C1orf167: variants seen among roughly 807,000 people sequenced by gnomAD.
C1orf167 encodes uncharacterized protein C1orf167.
In C1orf167, 153 loss-of-function variants were observed where a neutral mutation model predicts 176.5. The ratio of observed to expected loss-of-function variants is 0.87; its 90% CI spans 0.76 to 0.99. The LOEUF (loss-of-function observed/expected upper bound fraction) is 0.99, where lower values mean the gene tolerates loss of function less well. C1orf167 is among the 50% of genes least tolerant of loss of function. The pLI is 0.00. For synonymous variants in C1orf167, 594 were observed against 752.7 expected, an observed-to-expected ratio of 0.79 and a Z score of 3.45; for missense variants, 1,490 against 1,817.7, an observed-to-expected ratio of 0.82 and a Z score of 3.28.
Position 11,766,619 on chromosome 1 carries a change from TCTC to T in C1orf167, c.835_837del (p.Ser279del). The T allele has an allele frequency of 7.8e-7, 1 of 1,284,064 alleles. No homozygotes were observed. Among genetic ancestry groups the T allele is most frequent in the Non-Finnish European group, 1.0e-6 (1 of 985,688 alleles). The allele number at this position is 1,284,064 out of a possible 1,614,324, so 79.5% of individuals were successfully genotyped here. On this transcript the variant is annotated inframe_deletion, in exon 3 of 21. Transcript: ENST00000688073. The surrounding 1 kb of genome is among the most constrained non-coding windows in gnomAD (Gnocchi z 4.5). ...CTCTGGACCGGCGGCGGCCAGCCAT[TCTC>T]CGCCCACCCCCAGCCCAGCCAGCCT...
chr1:11,775,775 C>T (rs962831361), intron 9 of C1orf167, among the ~76,000 whole-genome samples, 165 bp downstream of exon 9: 23 of 152,290 alleles, frequency 1.5e-4, no homozygotes, highest in Middle Eastern at 3.4e-3. Flanking sequence ...CCAGAGTGGG[C>T]AGGCCCCAGC....
chr1:11,785,036 C>T, intron 15 of C1orf167, 112 bp from the exon 16 acceptor site: 1 of 1,011,414 alleles, frequency 9.9e-7, no homozygotes, highest in South Asian at 1.8e-5. Context: ...GTGGGTGGGC[C>T]CCAGCCTGGG....
chr1:11,783,640 G>A (rs1433627063), intron 14 of C1orf167, among the ~76,000 whole-genome samples: 1 of 152,164 alleles, frequency 6.6e-6, no homozygotes, highest in East Asian at 1.9e-4. Flanking sequence ...GGCAGGGCAT[G>A]GCTGATGTGG....
At position 11,788,053 on chromosome 1, in the gene C1orf167, A is replaced by G. The variant is rs1029148830; in HGVS notation, c.3848+6A>G. 1.5e-6 allele frequency: 2 copies of G among 1,291,952 alleles called. No individual in the cohort carries two copies. The highest frequency in any genetic ancestry group is 2.0e-6 in the Non-Finnish European group (2 of 981,280). The allele number at this position is 1,291,952 out of a possible 1,614,324, so 80.0% of individuals were successfully genotyped here. ...GCCCATAAACGGAGGCTACGGTAAG[A>G]GGAGCTGTGTGTGCAGTTTGGTGGG... On this transcript the variant is annotated splice_donor_region_variant and intron_variant, in intron 18 of 20. Transcript: ENST00000688073.
At chr1:11,788,788 C>T (rs1370706360) in intron 20 of C1orf167, 42 bp downstream of exon 20, 3 of 1,293,636 alleles carry the variant, frequency 2.3e-6, no homozygotes, top group South Asian at 2.5e-5. Context: ...CTGCATTCCA[C>T]TCAGCCAGCC....
At position 11,784,370 on chromosome 1, in the gene C1orf167, C is replaced by CA; in HGVS notation, c.3203dup (p.Gln1069AlafsTer29). On this transcript the variant is annotated frameshift_variant, in exon 15 of 21. Coordinates refer to ENST00000688073, the MANE Select transcript of C1orf167 (RefSeq NM_001010881.2). LOFTEE classifies it high-confidence loss of function. ...CCTTGCCCGCTGGAGAAGCTGCGGG[C>CA]AGCAAGGCCAGGAAGATGGGCAGCA... 1 of 1,304,096 alleles carries CA rather than the reference C, an allele frequency of 7.7e-7. No individual in the cohort carries two copies. Among genetic ancestry groups the CA allele is most frequent in the Non-Finnish European group, 1.0e-6 (1 of 988,882 alleles). The allele number at this position is 1,304,096 out of a possible 1,614,324, so 80.8% of individuals were successfully genotyped here.
chr1:11,784,086 T>G, intron 14 of C1orf167, 88 bp from the exon 15 acceptor site: 1 of 1,146,430 alleles, frequency 8.7e-7, no homozygotes, highest in Non-Finnish European at 1.1e-6. Flanking sequence ...TCAAACTGAC[T>G]TCAGGTGATC....
chr1:11,775,407 C>T (rs1237689268), intron 8 of C1orf167, 28 bp from the exon 9 acceptor site: 1 of 1,270,082 alleles, frequency 7.9e-7, no homozygotes. Context: ...TTGCAATTGA[C>T]ATGGGTACTT....
chr1:11,785,306 AGACT>A lies in C1orf167; in HGVS notation c.3567+21_3567+24del, dbSNP rs1643806462. On this transcript the variant is annotated intron_variant, in intron 16 of 20. Coordinates refer to ENST00000688073, the MANE Select transcript of C1orf167 (RefSeq NM_001010881.2). ...GCCGGCAAGGTACGCCCCAAGCCCCAGACTGACCTCACGCTCTGGCCCCGGATGG... is the reference window on the plus strand; with the variant it reads ...GCCGGCAAGGTACGCCCCAAGCCCCAGACCTCACGCTCTGGCCCCGGATGG... The A allele has an allele frequency of 7.9e-7, 1 of 1,269,538 alleles. No individual in the cohort carries two copies. Among genetic ancestry groups the A allele is most frequent in the African/African-American group, 1.5e-5 (1 of 65,420 alleles). 78.6% of individuals were successfully genotyped at this position (1,269,538 alleles called of 1,614,324 possible). A position where few individuals can be genotyped will look rare whatever the true frequency, so the allele number is the denominator to read the frequency against.
intron 16 of C1orf167, chr1:11,786,607 T>C (rs896407305): frequency 3.1e-3 from 61 of 19,938 alleles, no homozygotes; most frequent in African/African-American, 7.0e-3. Flanking sequence ...GGCTAATTTT[T>C]TTTTTTTTTT....
At position 11,789,369 on chromosome 1, in the gene C1orf167, G is replaced by A. The variant is rs1378927213; in HGVS notation, c.4273G>A (p.Glu1425Lys). ...GAGCAAGCCAGGCCCCAAGGGCCCC[G>A]AGAGTGGACAGGAAGCCGCCAGAGC... ...PWSKPGPKGPESGQEAARAPR... is the reference protein window; with the variant it reads ...PWSKPGPKGPKSGQEAARAPR... Residue 1425 changes from glutamate (E) to lysine (K), a missense_variant, in exon 21 of 21, where the codon GAG becomes AAG. By Grantham distance (56) the Glu-to-Lys change is moderately conservative. Transcript: ENST00000688073. 9 of 1,303,802 alleles carry A rather than the reference G, an allele frequency of 6.9e-6. No individual in the cohort carries two copies. Among genetic ancestry groups the A allele is most frequent in the Admixed American group, 4.6e-5 (2 of 43,526 alleles). 80.8% of individuals were successfully genotyped at this position (1,303,802 alleles called of 1,614,324 possible). A position where few individuals can be genotyped will look rare whatever the true frequency, so the allele number is the denominator to read the frequency against.
intron 19 of C1orf167, 113 bp downstream of exon 19, chr1:11,788,491 G>A (rs866423719): frequency 8.8e-7 from 1 of 1,138,112 alleles, no homozygotes; most frequent in Non-Finnish European, 1.2e-6. Flanking sequence ...AACCTTGGGG[G>A]ACAGGCCCAG....
In C1orf167 at chr1:11,771,567, T is replaced by A; in HGVS notation, c.1741T>A (p.Ser581Thr). ...REEEIAQRLL[S>T]HPRQRTDSRH... is the part of the protein sequence containing the mutation. ...GGAGGAGATTGCTCAGCGGCTTCTG[T>A]CACATCCTAGGCAGAGAACAGACAG... Residue 581 changes from serine (S) to threonine (T), a missense_variant, in exon 7 of 21, where the codon TCA becomes ACA. Ser to Thr is a moderately conservative substitution (Grantham distance 58, BLOSUM62 1). Transcript: ENST00000688073. 1 of 1,289,654 alleles carries A rather than the reference T, an allele frequency of 7.8e-7. No individual in the cohort carries two copies. The highest frequency in any genetic ancestry group is 1.2e-5 in the South Asian group (1 of 81,016). The allele number at this position is 1,289,654 out of a possible 1,614,324, so 79.9% of individuals were successfully genotyped here.
At position 11,766,142 on chromosome 1, in the gene C1orf167, C is replaced by G; in HGVS notation, c.356C>G (p.Ala119Gly). The change falls in exon 3 of 21, where the codon GCC becomes GGC. Residue 119 changes from alanine (A) to glycine (G), a missense_variant. Ala to Gly is a moderately conservative substitution (Grantham distance 60, BLOSUM62 0). Transcript: ENST00000688073. This position sits in a 1 kb window ranked among gnomAD's most constrained non-coding sequence, Gnocchi z 4.5. ...RRRQGKAREF[A>G]IQQSNLSINE... ...CGCCAAGGGAAGGCCCGAGAGTTTG[C>G]CATCCAGCAGAGCAACCTGAGCATC... 1 of 1,289,848 alleles carries G rather than the reference C, an allele frequency of 7.8e-7. No homozygotes were observed. Among genetic ancestry groups the G allele is most frequent in the South Asian group, 1.2e-5 (1 of 81,038 alleles). The allele number at this position is 1,289,848 out of a possible 1,614,324, so 79.9% of individuals were successfully genotyped here.
Position 11,766,500 on chromosome 1 carries a change from C to T in C1orf167, c.714C>T (p.His238=), listed in dbSNP as rs1570375972. The stretch of plus-strand genomic sequence containing the variant: ...AGGCCCCATCCCGTGCTGCCGTCCA[C>T]CAGCTGCTGGCTTCTGTACATTGCC... ...QTQAPSRAAV[H]QLLASVHCLA... is the part of the protein sequence containing the mutation. The change falls in exon 3 of 21, where the codon CAC becomes CAT. Residue 238 remains histidine (H), a synonymous_variant. Transcript: ENST00000688073. The surrounding 1 kb of genome is among the most constrained non-coding windows in gnomAD (Gnocchi z 4.5). 7.8e-7 allele frequency: 1 copy of T among 1,280,840 alleles called. No homozygotes were observed. Among genetic ancestry groups the T allele is most frequent in the East Asian group, 5.6e-5 (1 of 17,946 alleles). 79.3% of individuals were successfully genotyped at this position (1,280,840 alleles called of 1,614,324 possible). A position where few individuals can be genotyped will look rare whatever the true frequency, so the allele number is the denominator to read the frequency against.
chr1:11,769,098 C>T lies in C1orf167; in HGVS notation c.1668C>T (p.Pro556=), dbSNP rs41275454. Reference sequence around the variant, plus strand: ...TGGGAAGAAGCACAGTGGTGGACCCCGCCCAGAGAAGCAGGCTGGAACACA... The same window carrying T: ...TGGGAAGAAGCACAGTGGTGGACCCTGCCCAGAGAAGCAGGCTGGAACACA... ...LSLGRSTVVD[P]AQRSRLEHTS... is the part of the protein sequence containing the mutation. The change falls in exon 6 of 21, where the codon CCC becomes CCT. Residue 556 remains proline, a synonymous_variant. Coordinates refer to ENST00000688073, the MANE Select transcript of C1orf167 (RefSeq NM_001010881.2). The T allele has an allele frequency of 4.3e-3, 4,239 of 985,902 alleles. 8 individuals carry two copies. Among genetic ancestry groups the T allele is most frequent in the Non-Finnish European group, 4.9e-3 (4,033 of 829,960 alleles). The allele number at this position is 985,902 out of a possible 1,614,324, so 61.1% of individuals were successfully genotyped here.
At chr1:11,786,472 G>C (rs1315835769) in intron 16 of C1orf167, 1 of 152,028 alleles carries the variant, frequency 6.6e-6, no homozygotes, top group Non-Finnish European at 1.5e-5. Context: ...GTCTCACTCT[G>C]TCGCCCAGGC....
intron 17 of C1orf167, 52 bp from the exon 18 acceptor site, chr1:11,787,821 G>C: frequency 8.4e-7 from 1 of 1,185,914 alleles, no homozygotes; most frequent in Non-Finnish European, 1.1e-6. Context: ...ACTAAGAGCA[G>C]CTGCCTTCCT....
In C1orf167 at chr1:11,766,264, G is replaced by A. The variant is rs999477094; in HGVS notation, c.478G>A (p.Ala160Thr). 2 of 1,289,678 alleles carry A rather than the reference G, an allele frequency of 1.6e-6. No homozygotes were observed. Among genetic ancestry groups the A allele is most frequent in the Admixed American group, 2.3e-5 (1 of 43,544 alleles). The allele number at this position is 1,289,678 out of a possible 1,614,324, so 79.9% of individuals were successfully genotyped here. Residue 160 changes from alanine to threonine, a missense_variant, in exon 3 of 21, where the codon GCT (alanine) becomes ACT (threonine). Transcript: ENST00000688073. The surrounding 1 kb of genome is among the most constrained non-coding windows in gnomAD (Gnocchi z 4.5). ...WGPLLSQEPL[A>T]RPSSCLRQSG... Reference sequence around the variant, plus strand: ...TCCTCTCCTATCCCAAGAGCCACTGGCTCGCCCATCTTCCTGCCTGAGGCA... The same window carrying A: ...TCCTCTCCTATCCCAAGAGCCACTGACTCGCCCATCTTCCTGCCTGAGGCA...
Sources: gnomAD v4.1 joint callset for allele counts (sites outside exome capture counted in the v4.1 genomes callset) on GRCh38, gnomAD v4.1.1 for gene constraint, Gnocchi (gnomAD v3.1) non-coding constraint, MANE v1.5 for transcripts, NCBI Gene and HGNC (gene_info 2026-07-23, HGNC 2026-07-21) for gene names.